The following CCDC146 variants were observed in gnomAD, a reference collection of about 807,000 sequenced individuals.
CCDC146 encodes coiled-coil domain-containing protein 146.
A neutral mutation model predicts 119.3 loss-of-function variants in CCDC146; 92 were observed. That is an observed-to-expected ratio of 0.77 (90% CI 0.65 to 0.92). CCDC146 has a LOEUF of 0.92. Among genes scored for constraint, CCDC146 ranks in the 40% least tolerant of loss-of-function variants. The pLI, the probability that CCDC146 is intolerant of heterozygous loss-of-function variation, is 0.00. For synonymous variants in CCDC146, 372 were observed against 371.8 expected (o/e 1.00, Z -0.01); for missense variants, 1,000 against 1,103.0 (o/e 0.91, Z 1.32).
chr7:77,135,012 T>C (rs4330629), intron 1 of CCDC146, among the ~76,000 whole-genome samples: 30,956 of 152,162 alleles, frequency 0.2, 3,485 homozygotes, highest in African/African-American at 0.22. Flanking sequence ...AGGTGCTTCT[T>C]ACAATGTTCC....
intron 2 of CCDC146, among the ~76,000 whole-genome samples, 177 bp downstream of exon 2, chr7:77,168,001 G>A (rs1791363508): frequency 6.6e-6 from 1 of 152,190 alleles, no homozygotes; most frequent in Non-Finnish European, 1.5e-5. Flanking sequence ...AATTTATCAT[G>A]TAATTCTGAA....
intron 2 of CCDC146, among the ~76,000 whole-genome samples, chr7:77,173,058 G>T (rs1454746536): frequency 2.0e-5 from 3 of 152,102 alleles, no homozygotes; most frequent in Non-Finnish European, 2.9e-5. Context: ...GACACAGAGA[G>T]GGGAACAACA....
At chr7:77,247,385 T>A (rs1562846701) in intron 4 of CCDC146, among the ~76,000 whole-genome samples, 1 of 152,164 alleles carries the variant, frequency 6.6e-6, no homozygotes, top group Non-Finnish European at 1.5e-5. Flanking sequence ...CGAAAGATAG[T>A]AGCACACTAC....
At chr7:77,171,540 G>A (rs1791421487) in intron 2 of CCDC146, among the ~76,000 whole-genome samples, 3 of 152,174 alleles carry the variant, frequency 2.0e-5, no homozygotes, top group African/African-American at 7.2e-5. Context: ...AGACTTATCT[G>A]CGCTCCCCAT....
intron 18 of CCDC146, 103 bp from the exon 19 acceptor site, chr7:77,294,559 AC>A: frequency 9.7e-7 from 1 of 1,027,426 alleles, no homozygotes; most frequent in Non-Finnish European, 1.5e-6. Context: ...ATCAGCTAGC[AC>A]GGTCAAAGAC....
intron 1 of CCDC146, among the ~76,000 whole-genome samples, chr7:77,160,263 G>T (rs1458966843): frequency 6.6e-6 from 1 of 152,064 alleles, no homozygotes; most frequent in African/African-American, 2.4e-5. Context: ...CTCTTTTTTG[G>T]TTCCATATGA....
intron 2 of CCDC146, among the ~76,000 whole-genome samples, chr7:77,214,186 G>A (rs1399521644): frequency 6.6e-6 from 1 of 151,976 alleles, no homozygotes; most frequent in Non-Finnish European, 1.5e-5. Context: ...TCCCATTGTG[G>A]TTTTCATTTG....
At chr7:77,237,438 A>T (rs988008704) in intron 3 of CCDC146, among the ~76,000 whole-genome samples, 3 of 152,214 alleles carry the variant, frequency 2.0e-5, no homozygotes, top group Admixed American at 2.0e-4. Context: ...CAAACCAAGC[A>T]AACTTTGATG....
Position 77,251,021 on chromosome 7 carries a change from G to C in CCDC146, c.450-3485G>C, listed in dbSNP as rs1324639952. Reference sequence around the variant, plus strand: ...TGTGTGTGTGTGTGTGTGTGTGTGTGTGTGTTTGGTTGTTTGTTTTTGAGA... The same window carrying C: ...TGTGTGTGTGTGTGTGTGTGTGTGTCTGTGTTTGGTTGTTTGTTTTTGAGA... On this transcript the variant is annotated intron_variant, in intron 4 of 18. Transcript: ENST00000285871. Among the ~76,000 whole-genome samples, 6 of 133,926 alleles carry C rather than the reference G, an allele frequency of 4.5e-5. No individual in the cohort carries two copies. The East Asian group carries it at 1.1e-3, about 25-fold the overall frequency. The allele number at this position is 133,926 out of a possible 152,430, so 87.9% of individuals were successfully genotyped here.
chr7:77,221,884 A>T (rs1313126667), intron 2 of CCDC146, among the ~76,000 whole-genome samples: 1 of 152,228 alleles, frequency 6.6e-6, no homozygotes, highest in Non-Finnish European at 1.5e-5. Context: ...CACTTGCAGA[A>T]AACATAAAAG....
intron 1 of CCDC146, among the ~76,000 whole-genome samples, chr7:77,159,760 G>T (rs965353194): frequency 1.3e-5 from 2 of 152,154 alleles, no homozygotes; most frequent in African/African-American, 4.8e-5. Context: ...GTGTACAAGG[G>T]TTCCTTTTTC....
chr7:77,239,280 T>C (rs541952436), intron 3 of CCDC146, among the ~76,000 whole-genome samples: 1 of 152,358 alleles, frequency 6.6e-6, no homozygotes, highest in South Asian at 2.1e-4. Context: ...GGAGACCAGA[T>C]AACTTTAGAT....
chr7:77,191,105 T>A (rs1584055772), intron 2 of CCDC146, among the ~76,000 whole-genome samples: 1 of 152,034 alleles, frequency 6.6e-6, no homozygotes. Context: ...CATGGATAGG[T>A]TCTTGGAAAC....
intron 1 of CCDC146, among the ~76,000 whole-genome samples, chr7:77,163,172 G>T (rs573966693): frequency 6.6e-6 from 1 of 152,184 alleles, no homozygotes; most frequent in African/African-American, 2.4e-5. Flanking sequence ...TCAAGGCCAG[G>T]CGTGGTGGCT....
chr7:77,271,297 G>A (rs1793507900), intron 9 of CCDC146, among the ~76,000 whole-genome samples: 1 of 151,018 alleles, frequency 6.6e-6, no homozygotes, highest in South Asian at 2.1e-4. Context: ...TGAGAGACCG[G>A]CCTAGCCTCC....
chr7:77,236,135 G>A (rs565879732), intron 2 of CCDC146, among the ~76,000 whole-genome samples: 6 of 151,654 alleles, frequency 4.0e-5, no homozygotes, highest in East Asian at 1.9e-4. Context: ...ATTCTCTTTA[G>A]TTCTATTTTG....
chr7:77,205,033 G>A (rs1477881554), intron 2 of CCDC146, among the ~76,000 whole-genome samples: 1 of 152,084 alleles, frequency 6.6e-6, no homozygotes, highest in Admixed American at 6.5e-5. Context: ...GAGAAAGATC[G>A]CTTGAGCCCA....
chr7:77,217,629 A>C (rs1485705539), intron 2 of CCDC146, among the ~76,000 whole-genome samples: 1 of 151,980 alleles, frequency 6.6e-6, no homozygotes, highest in Admixed American at 6.6e-5. Flanking sequence ...GTCACTTAAG[A>C]AGGATATGTT....
At chr7:77,269,792 G>C (rs1793475625) in intron 9 of CCDC146, among the ~76,000 whole-genome samples, 1 of 152,150 alleles carries the variant, frequency 6.6e-6, no homozygotes, top group Non-Finnish European at 1.5e-5. Flanking sequence ...ATCTGGTTTT[G>C]TTCTAGTACA....
Sources: gnomAD v4.1 joint callset for allele counts (sites outside exome capture counted in the v4.1 genomes callset) on GRCh38, gnomAD v4.1.1 for gene constraint, MANE v1.5 for transcripts, NCBI Gene and HGNC (gene_info 2026-07-23, HGNC 2026-07-21) for gene names.